Variants in ADAMTS17 observed in about 807,000 individuals in gnomAD.
ADAMTS17 encodes A disintegrin and metalloproteinase with thrombospondin motifs 17.
Under a neutral mutation model 141.5 loss-of-function variants are expected in ADAMTS17, and 113 were observed. The ratio of observed to expected loss-of-function variants is 0.80; its 90% CI spans 0.69 to 0.93. The LOEUF is 0.93. ADAMTS17 is among the 40% of genes least tolerant of loss of function. The pLI is 0.00. For synonymous variants in ADAMTS17, 768 were observed against 630.6 expected (o/e 1.22, Z -3.27); for missense variants, 1,659 against 1,517.9 (o/e 1.09, Z -1.54).
intron 20 of ADAMTS17, among the ~76,000 whole-genome samples, chr15:99,992,507 G>T (rs535107063): frequency 6.6e-6 from 1 of 152,294 alleles, no homozygotes; most frequent in East Asian, 1.9e-4. Context: ...AAACAACAAA[G>T]CATTTTCTTA....
intron 18 of ADAMTS17, among the ~76,000 whole-genome samples, chr15:100,036,295 G>C (rs2030705779): frequency 6.6e-6 from 1 of 152,250 alleles, no homozygotes; most frequent in African/African-American, 2.4e-5. Flanking sequence ...CTCTGTCTTA[G>C]GACAGAGGCG....
intron 15 of ADAMTS17, among the ~76,000 whole-genome samples, chr15:100,070,754 G>A (rs1185422687): frequency 6.7e-6 from 1 of 149,264 alleles, no homozygotes. Flanking sequence ...TGTGTAGAGG[G>A]AAATTTATAG....
At chr15:100,117,121 G>T (rs111578550) in intron 12 of ADAMTS17, 108 bp from the exon 13 acceptor site, 3 of 1,346,666 alleles carry the variant, frequency 2.2e-6, no homozygotes, top group Admixed American at 2.0e-5. Flanking sequence ...GCAGGGCAAG[G>T]TTTCCAAAGC....
At chr15:100,160,120 A>G (rs143491157) in intron 8 of ADAMTS17, among the ~76,000 whole-genome samples, 7 of 152,172 alleles carry the variant, frequency 4.6e-5, no homozygotes, top group African/African-American at 1.2e-4. Context: ...ACATTCACCA[A>G]ATGGATACAG....
intron 7 of ADAMTS17, among the ~76,000 whole-genome samples, chr15:100,227,552 G>C (rs2042349016): frequency 6.6e-6 from 1 of 152,236 alleles, no homozygotes; most frequent in African/African-American, 2.4e-5. Context: ...GCCCTGGATT[G>C]ATCAGGCAGC....
chr15:99,989,056 C>T (rs538471215), intron 20 of ADAMTS17, among the ~76,000 whole-genome samples: 3 of 152,274 alleles, frequency 2.0e-5, no homozygotes, highest in South Asian at 4.2e-4. Context: ...TACAGGACGC[C>T]CCTTAGCTCT....
intron 15 of ADAMTS17, among the ~76,000 whole-genome samples, chr15:100,085,929 C>G (rs2035070542): frequency 6.6e-6 from 1 of 151,996 alleles, no homozygotes; most frequent in African/African-American, 2.4e-5. Context: ...TAGGAAGAAA[C>G]TGCATCAACT....
At chr15:100,282,534 T>C (rs1455174535) in intron 3 of ADAMTS17, among the ~76,000 whole-genome samples, 3 of 152,336 alleles carry the variant, frequency 2.0e-5, no homozygotes, top group Admixed American at 6.5e-5. Context: ...ATCATAACAA[T>C]ATACTGTACT....
chr15:100,192,494 A>T (rs897379094), intron 8 of ADAMTS17, among the ~76,000 whole-genome samples: 25 of 152,220 alleles, frequency 1.6e-4, no homozygotes, highest in Non-Finnish European at 1.6e-4. Flanking sequence ...ATTTCTAAAC[A>T]GTTATGACAT....
At chr15:99,996,721 C>G (rs574756072) in intron 19 of ADAMTS17, among the ~76,000 whole-genome samples, 5 of 152,022 alleles carry the variant, frequency 3.3e-5, no homozygotes, top group African/African-American at 1.2e-4. Flanking sequence ...TCTGAGTTTT[C>G]TAGACTACGC....
intron 15 of ADAMTS17, among the ~76,000 whole-genome samples, chr15:100,089,429 C>T (rs1012369845): frequency 7.3e-5 from 11 of 149,984 alleles, no homozygotes; most frequent in Non-Finnish European, 4.4e-5. Flanking sequence ...TGTGGCGATT[C>T]CTCAGGGATC....
At chr15:100,214,497 TTA>T (rs1261705163) in intron 7 of ADAMTS17, among the ~76,000 whole-genome samples, 1 of 146,600 alleles carries the variant, frequency 6.8e-6, no homozygotes, top group Non-Finnish European at 1.5e-5. Flanking sequence ...ATTGTGGTAA[TTA>T]TGTTTTTTTA....
chr15:100,015,916 T>C (rs553428107), intron 18 of ADAMTS17, among the ~76,000 whole-genome samples: 1 of 152,378 alleles, frequency 6.6e-6, no homozygotes, highest in Non-Finnish European at 1.5e-5. Flanking sequence ...TCTAGGTCTC[T>C]AGCAAGGCTG....
chr15:100,189,450 A>C (rs920337883), intron 8 of ADAMTS17, among the ~76,000 whole-genome samples: 2 of 152,176 alleles, frequency 1.3e-5, no homozygotes, highest in African/African-American at 4.8e-5. Flanking sequence ...GTCATCACAG[A>C]GCATGTGCCA....
At chr15:100,333,208 G>A (rs1043030102) in intron 2 of ADAMTS17, among the ~76,000 whole-genome samples, 2 of 152,024 alleles carry the variant, frequency 1.3e-5, no homozygotes, top group South Asian at 4.2e-4. Context: ...ACCTTTTCAC[G>A]ACCTAACGGT....
chr15:100,301,491 ATTTTTT>A lies in ADAMTS17; in HGVS notation c.617-20096_617-20091del, dbSNP rs55686011. 1.3e-4 allele frequency among the ~76,000 whole-genome samples: 17 copies of A among 133,308 alleles called. No homozygotes were observed. In the East Asian group the frequency reaches 3.7e-3, roughly 29 times the overall value. 87.5% of individuals were successfully genotyped at this position (133,308 alleles called of 152,430 possible). A position where few individuals can be genotyped will look rare whatever the true frequency, so the allele number is the denominator to read the frequency against. ...AGGCGCCCACCACCACACCGGGCTAATTTTTTTTTTTTTTTTTTTGTATATTTAGTA... is the reference window on the plus strand; with the variant it reads ...AGGCGCCCACCACCACACCGGGCTAATTTTTTTTTTTTTGTATATTTAGTA... On this transcript the variant is annotated intron_variant, in intron 3 of 21. Transcript: ENST00000268070.
intron 6 of ADAMTS17, among the ~76,000 whole-genome samples, chr15:100,259,975 G>A (rs897053078): frequency 1.3e-5 from 2 of 152,148 alleles, no homozygotes; most frequent in African/African-American, 4.8e-5. Context: ...CTCCCAAGTA[G>A]CTGGGATTAC....
intron 15 of ADAMTS17, among the ~76,000 whole-genome samples, chr15:100,093,731 TG>T (rs2035602575): frequency 6.6e-6 from 1 of 152,190 alleles, no homozygotes; most frequent in Admixed American, 6.5e-5. Flanking sequence ...ACACGCCTGC[TG>T]GGCTGCCTCC....
intron 15 of ADAMTS17, among the ~76,000 whole-genome samples, chr15:100,086,346 G>T (rs1204618933): frequency 6.6e-6 from 1 of 150,490 alleles, no homozygotes; most frequent in Non-Finnish European, 1.5e-5. Context: ...GATTCATAAA[G>T]CAAGTCCTTA....
Sources: allele counts gnomAD v4.1 joint callset (sites outside exome capture counted in the v4.1 genomes callset), GRCh38; gene constraint gnomAD v4.1.1; transcripts MANE v1.5; gene names NCBI Gene and HGNC (gene_info 2026-07-23, HGNC 2026-07-21).